The following RAB11FIP1 variants were observed in gnomAD, a reference collection of about 807,000 sequenced individuals.
RAB11FIP1 encodes the protein rab11 family-interacting protein 1.
Under a neutral mutation model 83.1 loss-of-function variants are expected in RAB11FIP1, and 49 were observed. The ratio of observed to expected loss-of-function variants is 0.59; its 90% confidence interval spans 0.47 to 0.75. The LOEUF is 0.75. RAB11FIP1 is among the 30% of genes least tolerant of loss of function. The pLI, the probability that RAB11FIP1 is intolerant of heterozygous loss-of-function variation, is 0.00. For missense variants in RAB11FIP1, 1,536 were observed against 1,598.7 expected (o/e 0.96, Z 0.67); for synonymous variants, 670 against 656.0 (o/e 1.02, Z -0.33).
At chr8:37,870,744 T>TG (rs1336581381) in intron 4 of RAB11FIP1, 1 of 487,200 alleles carries the variant, frequency 2.1e-6, no homozygotes, top group Non-Finnish European at 3.6e-6. Context: ...AGCATGTCCT[T>TG]GTCCAGATGT....
intron 1 of RAB11FIP1, among the ~76,000 whole-genome samples, chr8:37,882,069 C>G (rs1266351584): frequency 6.6e-6 from 1 of 152,194 alleles, no homozygotes; most frequent in African/African-American, 2.4e-5. Context: ...TCACCAACCG[C>G]AGGCGGGCAG....
rs769001501 is a variant in RAB11FIP1, at chr8:37,899,468, G to A, written c.-27C>T. 5 of 1,490,478 alleles carry A rather than the reference G, an allele frequency of 3.4e-6. No homozygotes were observed. The highest frequency in any genetic ancestry group is 2.5e-5 in the East Asian group (1 of 39,514). 92.3% of individuals were successfully genotyped at this position (1,490,478 alleles called of 1,614,324 possible). ...GTGACGATAACACTCCAGAAGCGAGGAGAAGATCGCCGCGACTGGCGGCCT... is the reference window on the plus strand; with the variant it reads ...GTGACGATAACACTCCAGAAGCGAGAAGAAGATCGCCGCGACTGGCGGCCT... On this transcript the variant is annotated 5_prime_UTR_variant, in exon 1 of 6. Coordinates refer to ENST00000330843, the MANE Select transcript of RAB11FIP1 (RefSeq NM_001002814.3). The surrounding 1 kb of genome is among the most constrained non-coding windows in gnomAD (Gnocchi z 4.5).
intron 2 of RAB11FIP1, among the ~76,000 whole-genome samples, chr8:37,876,050 C>G (rs767644691): frequency 1.8e-4 from 27 of 152,086 alleles, no homozygotes; most frequent in African/African-American, 4.6e-4. Context: ...CAAAAATTCA[C>G]CGGGTGTGGT....
chr8:37,888,972 T>G (rs10094825), intron 1 of RAB11FIP1, among the ~76,000 whole-genome samples: 104 of 151,742 alleles, frequency 6.9e-4, no homozygotes, highest in African/African-American at 2.3e-3. Context: ...TAAATTTTTG[T>G]ATTTTTAGTA....
chr8:37,877,785 T>C, intron 1 of RAB11FIP1: 1 of 386,872 alleles, frequency 2.6e-6, no homozygotes, highest in Non-Finnish European at 4.5e-6. Flanking sequence ...AATGCCACCA[T>C]CTCGGCTCAC....
Position 37,899,048 on chromosome 8 carries a change from C to T in RAB11FIP1, c.371+23G>A. On this transcript the variant is annotated intron_variant, in intron 1 of 5. Transcript: ENST00000330843. This position sits in a 1 kb window ranked among gnomAD's most constrained non-coding sequence, Gnocchi z 4.5. Reference sequence around the variant, plus strand: ...GGGGTCCGCGCCCCCAGGCCGGGCCCTCCCCTCCCCGCCCGCACTCACTGC... The same window carrying T: ...GGGGTCCGCGCCCCCAGGCCGGGCCTTCCCCTCCCCGCCCGCACTCACTGC... The T allele has an allele frequency of 6.9e-7, 1 of 1,454,750 alleles. No homozygotes were observed. 90.1% of individuals were successfully genotyped at this position (1,454,750 alleles called of 1,614,324 possible). A position where few individuals can be genotyped will look rare whatever the true frequency, so the allele number is the denominator to read the frequency against.
rs775314382 is a variant in RAB11FIP1 at position 37,871,437 on chromosome 8, C to T, written c.3365G>A (p.Ser1122Asn). The T allele has an allele frequency of 1.6e-5, 26 of 1,613,028 alleles. No homozygotes were observed. The highest frequency in any genetic ancestry group is 3.3e-4 in the Middle Eastern group (2 of 6,080). ...SSAHSDTHHT[S>N]TAESQKKATA... Reference sequence around the variant, plus strand: ...GGCTTTTTTTTGAGATTCTGCTGTGCTGGTGTGGTGAGTGTCAGAATGTGC... The same window carrying T: ...GGCTTTTTTTTGAGATTCTGCTGTGTTGGTGTGGTGAGTGTCAGAATGTGC... Residue 1122 changes from serine to asparagine, a missense_variant, in exon 4 of 6, where the codon AGC (serine) becomes AAC (asparagine). Physicochemically the swap from Ser to Asn is conservative, Grantham distance 46. Transcript: ENST00000330843.
intron 1 of RAB11FIP1, among the ~76,000 whole-genome samples, chr8:37,892,591 C>T (rs571873854): frequency 1.9e-4 from 29 of 151,944 alleles, no homozygotes; most frequent in Non-Finnish European, 2.8e-4. Context: ...GGATTACAGG[C>T]ACCCGCCACC....
At chr8:37,873,216 C>A in intron 3 of RAB11FIP1, 37 bp from the exon 4 acceptor site, 1 of 1,518,654 alleles carries the variant, frequency 6.6e-7, no homozygotes, top group Non-Finnish European at 8.7e-7. Context: ...CAGGTCAGTG[C>A]AGATGCATCA....
intron 1 of RAB11FIP1, among the ~76,000 whole-genome samples, chr8:37,883,449 C>T (rs1275559910): frequency 2.6e-5 from 4 of 152,148 alleles, no homozygotes; most frequent in Non-Finnish European, 5.9e-5. Flanking sequence ...GGATTACAGG[C>T]GTGAGCCACT....
intron 1 of RAB11FIP1, among the ~76,000 whole-genome samples, chr8:37,880,894 C>G (rs1003470076): frequency 6.6e-6 from 1 of 152,188 alleles, no homozygotes; most frequent in African/African-American, 2.4e-5. Context: ...AACTCACATT[C>G]TGAAGTTCTT....
At chr8:37,888,955 GC>G (rs1177632695) in intron 1 of RAB11FIP1, among the ~76,000 whole-genome samples, 1 of 151,770 alleles carries the variant, frequency 6.6e-6, no homozygotes, top group African/African-American at 2.4e-5. Flanking sequence ...CCGCCACCGC[GC>G]CCAGCTAAAT....
chr8:37,880,933 A>G (rs1806722576), intron 1 of RAB11FIP1, among the ~76,000 whole-genome samples: 1 of 152,210 alleles, frequency 6.6e-6, no homozygotes, highest in South Asian at 2.1e-4. Flanking sequence ...AGCGGAAGGT[A>G]GTGGACTTAA....
Position 37,863,084 on chromosome 8 carries a change from T to C in RAB11FIP1, c.3663A>G (p.Ala1221=), listed in dbSNP as rs1806273903. The change falls in exon 6 of 6, where the codon GCA becomes GCG. Residue 1221 remains alanine, a synonymous_variant. Coordinates refer to ENST00000330843, the MANE Select transcript of RAB11FIP1 (RefSeq NM_001002814.3). The part of the protein sequence containing the change: ...KKYSPSDPAF[A]YAQLTHDELI... ...GCTCATCGTGGGTCAGCTGCGCATA[T>C]GCAAATGCAGGGTCCGAGGGGCTGT... 9.9e-6 allele frequency: 16 copies of C among 1,612,398 alleles called. No individual in the cohort carries two copies. The highest frequency in any genetic ancestry group is 1.3e-5 in the African/African-American group (1 of 74,774).
Position 37,875,158 on chromosome 8 carries a change from C to T in RAB11FIP1, c.979G>A (p.Glu327Lys). The change falls in exon 3 of 6, where the codon GAG becomes AAG. Residue 327 changes from glutamate (E) to lysine (K), a missense_variant. Glu to Lys is a moderately conservative substitution (Grantham distance 56, BLOSUM62 1). Coordinates refer to ENST00000330843, the MANE Select transcript of RAB11FIP1 (RefSeq NM_001002814.3). ...ATCTCACCCTTGGCTTCTGGCTGCT[C>T]CAGGTAAACATGGTTCCCATTGATG... ...VCINGNHVYLEQPEAKGEIKD... is the reference protein window; with the variant it reads ...VCINGNHVYLKQPEAKGEIKD... 2.5e-6 allele frequency: 4 copies of T among 1,614,050 alleles called. No individual in the cohort carries two copies. Among genetic ancestry groups the T allele is most frequent in the Non-Finnish European group, 3.4e-6 (4 of 1,179,996 alleles).
At chr8:37,873,505 C>T (rs1806529976) in intron 3 of RAB11FIP1, among the ~76,000 whole-genome samples, 1 of 151,934 alleles carries the variant, frequency 6.6e-6, no homozygotes, top group African/African-American at 2.4e-5. Context: ...ACTCGGGAGG[C>T]TGAGGCAGGA....
In RAB11FIP1 at chr8:37,873,130, T is replaced by C. The variant is rs1168737540; in HGVS notation, c.1672A>G (p.Thr558Ala). 1.9e-6 allele frequency: 3 copies of C among 1,610,506 alleles called. No homozygotes were observed. Residue 558 changes from threonine (T) to alanine (A), a missense_variant, in exon 4 of 6, where the codon ACT becomes GCT. Transcript: ENST00000330843. ...AQPTARLPSP[T>A]DSPSSLPPLP... ...GGAGGAAGAGAGGAAGGGGAGTCAG[T>C]AGGGGAAGGAAGCCTGGCTGTGGGT...
At chr8:37,894,167 A>G (rs949570619) in intron 1 of RAB11FIP1, among the ~76,000 whole-genome samples, 12 of 152,208 alleles carry the variant, frequency 7.9e-5, no homozygotes, top group African/African-American at 2.9e-4. Flanking sequence ...AATCAGTAAT[A>G]ACATTACTTG....
chr8:37,897,708 C>T (rs187843975), intron 1 of RAB11FIP1, among the ~76,000 whole-genome samples: 1 of 152,094 alleles, frequency 6.6e-6, no homozygotes, highest in Non-Finnish European at 1.5e-5. Context: ...GGAAACAATG[C>T]CCAGTTCTGC....
Sources: allele counts gnomAD v4.1 joint callset (sites outside exome capture counted in the v4.1 genomes callset), GRCh38; gene constraint gnomAD v4.1.1; non-coding constraint Gnocchi (gnomAD v3.1); transcripts MANE v1.5; gene names NCBI Gene and HGNC (gene_info 2026-07-23, HGNC 2026-07-21).